KCND2: variants seen among roughly 807,000 people sequenced by gnomAD.
KCND2 encodes the protein A-type voltage-gated potassium channel KCND2.
Under a neutral mutation model 54.4 loss-of-function variants are expected in KCND2, and 16 were observed. That is an observed-to-expected ratio of 0.29 (90% CI 0.20 to 0.45). The LOEUF (loss-of-function observed/expected upper bound fraction) is 0.45. Among genes scored for constraint, KCND2 ranks in the 20% least tolerant of loss-of-function variants. The pLI is 1.00. For synonymous variants in KCND2, 317 were observed against 310.7 expected, an observed-to-expected ratio of 1.02 and a Z score of -0.21; for missense variants, 486 against 824.2, an observed-to-expected ratio of 0.59 and a Z score of 5.02.
intron 4 of KCND2, among the ~76,000 whole-genome samples, chr7:120,744,342 T>A (rs946506691): frequency 2.0e-5 from 3 of 152,094 alleles, no homozygotes; most frequent in East Asian, 1.9e-4. Context: ...GGGCTTTTTT[T>A]AAAATCAAAA....
intron 1 of KCND2, among the ~76,000 whole-genome samples, chr7:120,420,348 G>T (rs1057318834): frequency 2.6e-5 from 4 of 152,162 alleles, no homozygotes; most frequent in Non-Finnish European, 5.9e-5. Flanking sequence ...CACTACCAGT[G>T]GTTCAATAGA....
At chr7:120,336,263 C>G (rs1003784781) in intron 1 of KCND2, among the ~76,000 whole-genome samples, 1 of 152,152 alleles carries the variant, frequency 6.6e-6, no homozygotes, top group East Asian at 1.9e-4. Context: ...ATAATTACCC[C>G]GCTTTCGCAG....
intron 1 of KCND2, among the ~76,000 whole-genome samples, chr7:120,420,503 C>T (rs1584771537): frequency 1.3e-5 from 2 of 152,222 alleles, no homozygotes; most frequent in East Asian, 3.9e-4. Context: ...TTTCTGGGTA[C>T]TGTAGAAGTT....
chr7:120,516,326 T>A (rs1430754702), intron 1 of KCND2, among the ~76,000 whole-genome samples: 1 of 152,148 alleles, frequency 6.6e-6, no homozygotes, highest in Non-Finnish European at 1.5e-5. Flanking sequence ...GTGTCCTTTT[T>A]AAAATGTATC....
chr7:120,326,064 G>C (rs1225240491), intron 1 of KCND2, among the ~76,000 whole-genome samples: 1 of 152,002 alleles, frequency 6.6e-6, no homozygotes, highest in South Asian at 2.1e-4. Flanking sequence ...AAAGTATTTT[G>C]GGGATCATTT....
At chr7:120,665,764 T>G (rs1310412626) in intron 1 of KCND2, among the ~76,000 whole-genome samples, 1 of 152,058 alleles carries the variant, frequency 6.6e-6, no homozygotes, top group East Asian at 1.9e-4. Context: ...TTTGCAATGA[T>G]CAAAGTAGAT....
chr7:120,631,297 A>T (rs1793230594), intron 1 of KCND2, among the ~76,000 whole-genome samples: 1 of 152,114 alleles, frequency 6.6e-6, no homozygotes, highest in Non-Finnish European at 1.5e-5. Context: ...AATATAGTGT[A>T]TGAAGTAGGC....
At chr7:120,620,582 T>C (rs1008233769) in intron 1 of KCND2, among the ~76,000 whole-genome samples, 2 of 152,296 alleles carry the variant, frequency 1.3e-5, no homozygotes, top group South Asian at 4.1e-4. Flanking sequence ...AATCAACTTA[T>C]TGTCCAGGAA....
chr7:120,474,372 T>C (rs1347278811), intron 1 of KCND2, among the ~76,000 whole-genome samples: 2 of 152,032 alleles, frequency 1.3e-5, no homozygotes, highest in Non-Finnish European at 2.9e-5. Context: ...AGTTTTGCTC[T>C]TGTGGCCCAG....
intron 1 of KCND2, among the ~76,000 whole-genome samples, chr7:120,425,175 AC>A (rs146704913): frequency 0.027 from 4,049 of 152,278 alleles, 82 homozygotes; most frequent in Non-Finnish European, 0.045. Flanking sequence ...ACAGGTGCAA[AC>A]TGAGCATATA....
chr7:120,562,782 C>T (rs1357837338), intron 1 of KCND2, among the ~76,000 whole-genome samples: 1 of 152,042 alleles, frequency 6.6e-6, no homozygotes, highest in Non-Finnish European at 1.5e-5. Flanking sequence ...AGTAAATGTA[C>T]ATAGCACCAG....
chr7:120,556,507 C>T (rs950894213), intron 1 of KCND2, among the ~76,000 whole-genome samples: 5 of 152,178 alleles, frequency 3.3e-5, no homozygotes, highest in Non-Finnish European at 7.3e-5. Flanking sequence ...ATTTAAGGAT[C>T]TCTCTTTAGA....
intron 1 of KCND2, 50 bp downstream of exon 1, chr7:120,275,797 A>T: frequency 1.3e-6 from 2 of 1,572,024 alleles, no homozygotes; most frequent in African/African-American, 1.3e-5. Flanking sequence ...GGGTGAGGCG[A>T]TTGTGGACCC....
chr7:120,404,771 G>C (rs913233180), intron 1 of KCND2, among the ~76,000 whole-genome samples: 1 of 56,826 alleles, frequency 1.8e-5, no homozygotes, highest in South Asian at 9.1e-4. Context: ...ATTTTTGGGG[G>C]GGGACCTTTG....
chr7:120,412,233 A>G (rs1801461501), intron 1 of KCND2, among the ~76,000 whole-genome samples: 1 of 152,052 alleles, frequency 6.6e-6, no homozygotes, highest in African/African-American at 2.4e-5. Context: ...ATGCAAAATA[A>G]ATTCAGAGTT....
rs1491350289 is a variant in KCND2 at position 120,523,702 on chromosome 7, C to CACTGTGTG, written c.1116-209201_1116-209200insACTGTGTG. 6.6e-4 allele frequency among the ~76,000 whole-genome samples: 73 copies of CACTGTGTG among 111,022 alleles called. 1 individual carries two copies. Among genetic ancestry groups the CACTGTGTG allele is most frequent in the African/African-American group, 3.1e-3 (71 of 23,094 alleles). The allele number at this position is 111,022 out of a possible 152,430, so 72.8% of individuals were successfully genotyped here. ...ATACACAGATATACACACACACACA[C>CACTGTGTG]TCTGTGTGTGTGTGTGTGTGTGTGT... is the stretch of plus-strand genomic sequence containing the variant. On this transcript the variant is annotated intron_variant, in intron 1 of 5. Transcript: ENST00000331113.
chr7:120,746,476 CTT>C (rs1562926652), intron 5 of KCND2, among the ~76,000 whole-genome samples: 1 of 152,010 alleles, frequency 6.6e-6, no homozygotes, highest in Non-Finnish European at 1.5e-5. Context: ...AAAATGAAAA[CTT>C]TGCCTACATA....
At chr7:120,583,790 G>GT (rs1792552173) in intron 1 of KCND2, among the ~76,000 whole-genome samples, 1 of 149,226 alleles carries the variant, frequency 6.7e-6, no homozygotes, top group African/African-American at 2.5e-5. Context: ...ATTGTGGGGG[G>GT]GGGGACAAAA....
chr7:120,602,847 A>G (rs1584849884), intron 1 of KCND2, among the ~76,000 whole-genome samples: 1 of 152,234 alleles, frequency 6.6e-6, no homozygotes, highest in East Asian at 1.9e-4. Flanking sequence ...AAAGACTCAC[A>G]TACAGAAGCA....
Sources: allele counts gnomAD v4.1 joint callset (sites outside exome capture counted in the v4.1 genomes callset), GRCh38; gene constraint gnomAD v4.1.1; transcripts MANE v1.5; gene names NCBI Gene and HGNC (gene_info 2026-07-23, HGNC 2026-07-21).